The following THADA variants were observed in gnomAD, a reference collection of about 807,000 sequenced individuals.
THADA encodes the protein tRNA (32-2'-O)-methyltransferase regulator THADA.
A neutral mutation model predicts 219.8 loss-of-function variants in THADA; 213 were observed. That is an observed-to-expected ratio of 0.97 (90% CI 0.87 to 1.09). THADA has a LOEUF of 1.09. Ranked by LOEUF, THADA falls within the 50% of genes least tolerant of loss-of-function variation. The pLI, the probability that THADA is intolerant of heterozygous loss-of-function variation, is 0.00. For synonymous variants in THADA, 1,018 were observed against 828.9 expected (o/e 1.23, Z -3.92); for missense variants, 2,956 against 2,311.3 (o/e 1.28, Z -5.72).
intron 28 of THADA, among the ~76,000 whole-genome samples, chr2:43,403,914 C>A (rs1253694823): frequency 1.3e-5 from 2 of 152,158 alleles, no homozygotes; most frequent in Non-Finnish European, 2.9e-5. Flanking sequence ...GCACAGCTGT[C>A]AGCTCCTGGG....
chr2:43,399,127 T>C (rs1433294733), intron 28 of THADA, among the ~76,000 whole-genome samples: 1 of 152,140 alleles, frequency 6.6e-6, no homozygotes, highest in Non-Finnish European at 1.5e-5. Context: ...GAGAGGAAAG[T>C]CCAATATGCT....
chr2:43,406,922 C>G (rs911667708), intron 28 of THADA, among the ~76,000 whole-genome samples: 25 of 152,210 alleles, frequency 1.6e-4, no homozygotes, highest in Non-Finnish European at 2.9e-4. Context: ...GTTGCACATT[C>G]CTCCCAATCG....
chr2:43,519,182 A>G (rs1692107083), intron 22 of THADA, among the ~76,000 whole-genome samples: 1 of 152,066 alleles, frequency 6.6e-6, no homozygotes, highest in South Asian at 2.1e-4. Context: ...TTAAAATGCT[A>G]GGTTGAAAGT....
At chr2:43,398,573 G>A (rs191888368) in intron 28 of THADA, among the ~76,000 whole-genome samples, 232 of 152,326 alleles carry the variant, frequency 1.5e-3, no homozygotes, top group Non-Finnish European at 2.5e-3. Context: ...GTACGAGACA[G>A]TATAGGAAAA....
chr2:43,481,065 T>C lies in THADA; in HGVS notation c.3836+4169A>G, dbSNP rs1272978441. ...TAGCGTGGGTAACCACAGAAACTTG[T>C]GGAATCTCTTTTCCTAGAAAACATG... On this transcript the variant is annotated intron_variant, in intron 26 of 37. Transcript: ENST00000405975. Among the ~76,000 whole-genome samples the C allele has an allele frequency of 2.0e-5, 3 of 152,328 alleles. No homozygotes were observed. In the East Asian group the frequency reaches 5.8e-4, roughly 29 times the overall value.
At chr2:43,487,837 C>A (rs1005616609) in intron 25 of THADA, among the ~76,000 whole-genome samples, 3 of 152,118 alleles carry the variant, frequency 2.0e-5, no homozygotes, top group African/African-American at 7.2e-5. Context: ...TTCCAGCCTC[C>A]AAACTGTGGG....
chr2:43,518,054 T>C (rs1691952466), intron 22 of THADA, among the ~76,000 whole-genome samples: 1 of 152,176 alleles, frequency 6.6e-6, no homozygotes, highest in Non-Finnish European at 1.5e-5. Context: ...CACCAAACTT[T>C]ATCACATAAA....
At chr2:43,445,366 T>A (rs891532848) in intron 26 of THADA, among the ~76,000 whole-genome samples, 4 of 152,252 alleles carry the variant, frequency 2.6e-5, no homozygotes, top group African/African-American at 9.6e-5. Flanking sequence ...TCTCAGATTC[T>A]GTTCTTGGAA....
intron 26 of THADA, among the ~76,000 whole-genome samples, chr2:43,450,347 G>A (rs555897073): frequency 1.3e-5 from 2 of 152,024 alleles, no homozygotes; most frequent in Non-Finnish European, 2.9e-5. Flanking sequence ...CTGTGACATC[G>A]GTAACTGAAA....
At chr2:43,512,078 T>A (rs1229395198) in intron 22 of THADA, among the ~76,000 whole-genome samples, 1 of 152,172 alleles carries the variant, frequency 6.6e-6, no homozygotes, top group Admixed American at 6.5e-5. Flanking sequence ...ATTTGCAGAA[T>A]TTGAAAACAG....
chr2:43,381,352 A>C (rs1360185815), intron 29 of THADA, among the ~76,000 whole-genome samples: 1 of 152,136 alleles, frequency 6.6e-6, no homozygotes, highest in Non-Finnish European at 1.5e-5. Context: ...CAAATTTCCC[A>C]CACAGAAGAA....
In THADA at chr2:43,344,225, A is replaced by G. The variant is rs762508028; in HGVS notation, c.4240T>C (p.Leu1414=). ...HGTLLQVFHL[L]QAYSDSKHGT... ...TGTTTGGAGTCTGAGTAGGCTTGCA[A>G]CAAATGAAAAACCTAAACCAAAAAA... The change falls in exon 30 of 38, where the codon TTG becomes CTG. Residue 1414 remains leucine (L), a synonymous_variant. Coordinates refer to ENST00000405975, the MANE Select transcript of THADA (RefSeq NM_022065.5). 1 of 1,604,316 alleles carries G rather than the reference A, an allele frequency of 6.2e-7. No individual in the cohort carries two copies. Among genetic ancestry groups the G allele is most frequent in the Non-Finnish European group, 8.5e-7 (1 of 1,176,332 alleles).
intron 31 of THADA, among the ~76,000 whole-genome samples, chr2:43,310,227 C>CTTTT (rs760517670): frequency 2.2e-5 from 1 of 44,954 alleles, no homozygotes. Context: ...CCCTTTCCCG[C>CTTTT]CCCCCCCCCA....
At chr2:43,362,976 A>G (rs1308923603) in intron 29 of THADA, among the ~76,000 whole-genome samples, 1 of 152,174 alleles carries the variant, frequency 6.6e-6, no homozygotes, top group Non-Finnish European at 1.5e-5. Flanking sequence ...CAAAATCACC[A>G]TCTTCCACTT....
At chr2:43,419,306 G>A (rs1297501128) in intron 28 of THADA, among the ~76,000 whole-genome samples, 1 of 152,204 alleles carries the variant, frequency 6.6e-6, no homozygotes, top group African/African-American at 2.4e-5. Flanking sequence ...GGCAAGATGA[G>A]CAGTCAAGAG....
chr2:43,423,754 G>A (rs1678046943), intron 28 of THADA, among the ~76,000 whole-genome samples: 1 of 152,210 alleles, frequency 6.6e-6, no homozygotes, highest in African/African-American at 2.4e-5. Flanking sequence ...TAGGTTTGAG[G>A]CATATGTGGT....
At chr2:43,328,217 T>TA (rs1296462386) in intron 30 of THADA, among the ~76,000 whole-genome samples, 1 of 152,126 alleles carries the variant, frequency 6.6e-6, no homozygotes, top group African/African-American at 2.4e-5. Context: ...AACTGTAGAA[T>TA]ATATATATTT....
chr2:43,555,346 T>C (rs1002060198), intron 17 of THADA, among the ~76,000 whole-genome samples: 3 of 151,480 alleles, frequency 2.0e-5, no homozygotes, highest in Non-Finnish European at 2.9e-5. Context: ...ATCACCTAGC[T>C]TGTGAATAAA....
chr2:43,395,691 T>C (rs865867414), intron 29 of THADA, among the ~76,000 whole-genome samples: 4 of 152,226 alleles, frequency 2.6e-5, no homozygotes, highest in African/African-American at 7.2e-5. Context: ...GATGATATCA[T>C]TATATTGATA....
Sources: allele counts gnomAD v4.1 joint callset (sites outside exome capture counted in the v4.1 genomes callset), GRCh38; gene constraint gnomAD v4.1.1; transcripts MANE v1.5; gene names NCBI Gene and HGNC (gene_info 2026-07-23, HGNC 2026-07-21).